The following MYO1F variants were observed in gnomAD, a reference collection of about 807,000 sequenced individuals.
MYO1F encodes myosin IF.
Under a neutral mutation model 146.6 loss-of-function variants are expected in MYO1F, and 60 were observed. The ratio of observed to expected loss-of-function variants is 0.41; its 90% confidence interval spans 0.33 to 0.51. The LOEUF (loss-of-function observed/expected upper bound fraction) is 0.51. Among genes scored for constraint, MYO1F ranks in the 20% least tolerant of loss-of-function variants. The pLI is 0.25. For synonymous variants in MYO1F, 602 were observed against 602.1 expected, an observed-to-expected ratio of 1.00 and a Z score of 0.00; for missense variants, 1,274 against 1,534.3, an observed-to-expected ratio of 0.83 and a Z score of 2.83.
At chr19:8,546,056 CTTTTTT>C (rs58638075) in intron 12 of MYO1F, among the ~76,000 whole-genome samples, 1 of 94,936 alleles carries the variant, frequency 1.1e-5, no homozygotes, top group Admixed American at 1.3e-4. Context: ...TATTTTGACT[CTTTTTT>C]TTTTTTTTTT....
intron 1 of MYO1F, chr19:8,576,938 G>T (rs994851805): frequency 7.0e-6 from 3 of 426,872 alleles, no homozygotes; most frequent in Non-Finnish European, 1.3e-5. Context: ...CTAGCCCAAG[G>T]CTACACAGGG....
Position 8,521,561 on chromosome 19 carries a change from G to A in MYO1F, c.3264C>T (p.Gly1088=), listed in dbSNP as rs1187496935. 3.7e-6 allele frequency: 6 copies of A among 1,614,184 alleles called. No homozygotes were observed. The highest frequency in any genetic ancestry group is 1.6e-4 in the Middle Eastern group (1 of 6,062). ...TCTCCACGTAGTTTCCTGGGAAAAGGCCCTCCTGGCCGTGAAGCCGGCCCT... is the reference window on the plus strand; with the variant it reads ...TCTCCACGTAGTTTCCTGGGAAAAGACCCTCCTGGCCGTGAAGCCGGCCCT... ...WWKGRLHGQE[G]LFPGNYVEKI is the part of the protein sequence containing the mutation. The change falls in exon 28 of 28, where the codon GGC becomes GGT. Residue 1088 remains glycine, a synonymous_variant. Coordinates refer to ENST00000644032, the MANE Select transcript of MYO1F (RefSeq NM_012335.4).
intron 1 of MYO1F, among the ~76,000 whole-genome samples, chr19:8,560,311 C>T (rs967159272): frequency 6.6e-6 from 1 of 151,574 alleles, no homozygotes; most frequent in Non-Finnish European, 1.5e-5. Context: ...GGTGAAACCC[C>T]ATCTCTACTA....
At position 8,555,783 on chromosome 19, in the gene MYO1F, C is replaced by T. The variant is rs377551535; in HGVS notation, c.17G>A (p.Arg6His). The T allele has an allele frequency of 1.1e-5, 18 of 1,613,248 alleles. No individual in the cohort carries two copies. The highest frequency in any genetic ancestry group is 3.3e-5 in the Admixed American group (2 of 59,966). The part of the protein sequence containing the change: MGSKE[R>H]FHWQSHNVKQ... ...CACGTTGTGGCTCTGCCAGTGGAAG[C>T]GCTCCTTGCTGCCCTGGGGGGTGAG... Residue 6 changes from arginine to histidine, a missense_variant, in exon 2 of 28, where the codon CGC (arginine) becomes CAC (histidine). Arg to His is a conservative substitution (Grantham distance 29). Transcript: ENST00000644032.
chr19:8,536,302 C>G lies in MYO1F; in HGVS notation c.1993G>C (p.Asp665His). The part of the protein sequence containing the change: ...HLLRAVNMEP[D>H]QYQMGSTKVF... ...TTGGTGCTCCCCATCTGGTACTGGT[C>G]GGGCTCCATGTTGACCGCCCGAAGC... The change falls in exon 19 of 28, where the codon GAC becomes CAC. Residue 665 changes from aspartate to histidine, a missense_variant. Asp to His is a moderately conservative substitution (Grantham distance 81). Transcript: ENST00000644032. 1 of 1,608,328 alleles carries G rather than the reference C, an allele frequency of 6.2e-7. No homozygotes were observed. Among genetic ancestry groups the G allele is most frequent in the Non-Finnish European group, 8.5e-7 (1 of 1,179,970 alleles).
intron 12 of MYO1F, among the ~76,000 whole-genome samples, chr19:8,546,986 C>T (rs1213522059): frequency 6.6e-6 from 1 of 152,034 alleles, no homozygotes; most frequent in Non-Finnish European, 1.5e-5. Flanking sequence ...GCCTCTCTCT[C>T]TCTCTTTGTT....
chr19:8,542,177 C>T (rs1323421102), intron 14 of MYO1F, among the ~76,000 whole-genome samples, 186 bp from the exon 15 acceptor site: 13 of 150,616 alleles, frequency 8.6e-5, no homozygotes, highest in South Asian at 4.2e-4. Flanking sequence ...GGGGGGCGGG[C>T]TTCCTGGAGA....
chr19:8,560,393 G>A (rs1215438033), intron 1 of MYO1F, among the ~76,000 whole-genome samples: 1 of 151,674 alleles, frequency 6.6e-6, no homozygotes, highest in Non-Finnish European at 1.5e-5. Context: ...GCTGAGGCAG[G>A]AGACTCGCTT....
chr19:8,523,441 C>T (rs1332822675), intron 25 of MYO1F, among the ~76,000 whole-genome samples: 4 of 152,114 alleles, frequency 2.6e-5, no homozygotes, highest in African/African-American at 9.7e-5. Context: ...CTCCTGGGCT[C>T]AAGCAATCCT....
At chr19:8,541,043 G>T (rs1294486150) in intron 15 of MYO1F, among the ~76,000 whole-genome samples, 2 of 152,048 alleles carry the variant, frequency 1.3e-5, no homozygotes, top group Middle Eastern at 6.8e-3. Flanking sequence ...GAGTGCAGTG[G>T]TGCAATCACG....
intron 14 of MYO1F, among the ~76,000 whole-genome samples, chr19:8,543,718 T>C (rs1418693500): frequency 1.7e-4 from 2 of 11,750 alleles, no homozygotes; most frequent in Non-Finnish European, 1.6e-4. Context: ...CTGGTGGTGG[T>C]GGTGGTGCTG....
In MYO1F at chr19:8,530,654, C is replaced by G. The variant is rs1241285856; in HGVS notation, c.2044-81G>C. 3 of 1,115,362 alleles carry G rather than the reference C, an allele frequency of 2.7e-6. No individual in the cohort carries two copies. The highest frequency in any genetic ancestry group is 3.1e-5 in the African/African-American group (2 of 65,486). The allele number at this position is 1,115,362 out of a possible 1,614,324, so 69.1% of individuals were successfully genotyped here. On this transcript the variant is annotated intron_variant, in intron 19 of 27. Coordinates refer to ENST00000644032, the MANE Select transcript of MYO1F (RefSeq NM_012335.4). The surrounding 1 kb of genome is among the most constrained non-coding windows in gnomAD (Gnocchi z 5.8). ...AGTTCCGGGTTTTCCCTGCGCTCAC[C>G]CTACTCACACGCTTTTGCTCACCCA...
At chr19:8,560,645 G>T (rs754666016) in intron 1 of MYO1F, among the ~76,000 whole-genome samples, 33 of 151,984 alleles carry the variant, frequency 2.2e-4, no homozygotes, top group Non-Finnish European at 4.7e-4. Flanking sequence ...CAAGGTCATG[G>T]CTCACTGCAG....
At chr19:8,559,552 T>C (rs1277327104) in intron 1 of MYO1F, among the ~76,000 whole-genome samples, 1 of 151,962 alleles carries the variant, frequency 6.6e-6, no homozygotes, top group Non-Finnish European at 1.5e-5. Context: ...CCAGGGTTGA[T>C]GAGAGGATGA....
chr19:8,534,964 T>A (rs1003147767), intron 19 of MYO1F, among the ~76,000 whole-genome samples: 1 of 151,900 alleles, frequency 6.6e-6, no homozygotes, highest in Non-Finnish European at 1.5e-5. Flanking sequence ...CAGGCTTGAG[T>A]GCAGTGGCAC....
intron 1 of MYO1F, among the ~76,000 whole-genome samples, chr19:8,570,130 C>T (rs782674391): frequency 5.9e-5 from 9 of 151,510 alleles, no homozygotes; most frequent in Non-Finnish European, 1.2e-4. Flanking sequence ...TGGAGTGCAG[C>T]GGCATGATCT....
At position 8,520,817 on chromosome 19, in the gene MYO1F, G is replaced by T. The variant is rs1295166250; in HGVS notation, c.*711C>A. The T allele has an allele frequency of 2.7e-5, 4 of 150,238 alleles. No homozygotes were observed. Among genetic ancestry groups the T allele is most frequent in the Non-Finnish European group, 4.4e-5 (3 of 67,832 alleles). 9.3% of individuals were successfully genotyped at this position (150,238 alleles called of 1,614,324 possible). A position where few individuals can be genotyped will look rare whatever the true frequency, so the allele number is the denominator to read the frequency against. ...TTTTTAAATTTTTAGTAGAAACAGGGTTTTGCTGTGTTATCCAGGCTGGTC... is the reference window on the plus strand; with the variant it reads ...TTTTTAAATTTTTAGTAGAAACAGGTTTTTGCTGTGTTATCCAGGCTGGTC... On this transcript the variant is annotated 3_prime_UTR_variant, in exon 28 of 28. Transcript: ENST00000644032.
chr19:8,562,276 T>A (rs1039448659), intron 1 of MYO1F, among the ~76,000 whole-genome samples: 2 of 151,902 alleles, frequency 1.3e-5, no homozygotes. Flanking sequence ...ACTGGGATTA[T>A]AGGCATGAGC....
In MYO1F at chr19:8,524,796, G is replaced by A. The variant is rs575144489; in HGVS notation, c.2854+683C>T. ...GGAGAGCTTCTGTGGGTACGTCTTG[G>A]TGGATAAATAAGAGCTCAACGAATG... On this transcript the variant is annotated intron_variant, in intron 25 of 27. Transcript: ENST00000644032. 2.9e-3 allele frequency among the ~76,000 whole-genome samples: 437 copies of A among 152,248 alleles called. 1 individual carries two copies. Among genetic ancestry groups the A allele is most frequent in the Non-Finnish European group, 4.8e-3 (324 of 68,022 alleles).
Sources: allele counts gnomAD v4.1 joint callset (sites outside exome capture counted in the v4.1 genomes callset), GRCh38; gene constraint gnomAD v4.1.1; non-coding constraint Gnocchi (gnomAD v3.1); transcripts MANE v1.5; gene names NCBI Gene and HGNC (gene_info 2026-07-23, HGNC 2026-07-21).